The following TEX9 variants were observed in gnomAD, a reference collection of about 807,000 sequenced individuals.
TEX9 encodes the protein testis expressed 9.
A neutral mutation model predicts 59.6 loss-of-function variants in TEX9; 74 were observed. The ratio of observed to expected loss-of-function variants is 1.24; its 90% confidence interval spans 1.03 to 1.51. The LOEUF (loss-of-function observed/expected upper bound fraction) is 1.51, where lower values mean the gene tolerates loss of function less well. Ranked by LOEUF, TEX9 falls within the 40% of genes most tolerant of loss-of-function variation. The probability of loss-of-function intolerance (pLI) is 0.00; values close to 1 mark genes in which losing one functional copy is unlikely to be tolerated. For synonymous variants in TEX9, 186 were observed against 152.2 expected (o/e 1.22, Z -1.64); for missense variants, 522 against 447.8 (o/e 1.17, Z -1.49).
intron 12 of TEX9, among the ~76,000 whole-genome samples, chr15:56,433,427 A>G (rs751938137): frequency 6.6e-6 from 1 of 152,112 alleles, no homozygotes. Context: ...TAAAAATATT[A>G]AAAAAATAAT....
At chr15:56,424,290 A>C (rs2050139120) in intron 10 of TEX9, among the ~76,000 whole-genome samples, 1 of 152,064 alleles carries the variant, frequency 6.6e-6, no homozygotes, top group Admixed American at 6.6e-5. Flanking sequence ...ATTTTGTCAG[A>C]TATTACTGTA....
intron 1 of TEX9, among the ~76,000 whole-genome samples, chr15:56,324,389 TTTAATATACACC>T (rs2141719638): frequency 6.6e-6 from 1 of 152,310 alleles, no homozygotes; most frequent in South Asian, 2.1e-4. Context: ...TGTGTATAAT[TTTAATATACACC>T]TTAGGAAGGC....
chr15:56,393,646 A>C (rs1166352199), intron 7 of TEX9: 1 of 152,250 alleles, frequency 6.6e-6, no homozygotes, highest in Non-Finnish European at 1.5e-5. Flanking sequence ...TTTTGCTGGC[A>C]GTAAAGTACC....
chr15:56,433,577 T>C (rs1181351929), intron 12 of TEX9, among the ~76,000 whole-genome samples: 1 of 152,154 alleles, frequency 6.6e-6, no homozygotes, highest in African/African-American at 2.4e-5. Context: ...TTGCATGGGT[T>C]TCACCACTTG....
Position 56,426,593 on chromosome 15 carries a change from A to G in TEX9, c.964-1012A>G, listed in dbSNP as rs1383977308. Among the ~76,000 whole-genome samples, 10 of 16,936 alleles carry G rather than the reference A, an allele frequency of 5.9e-4. 1 individual carries two copies. Among genetic ancestry groups the G allele is most frequent in the African/African-American group, 8.8e-4 (2 of 2,270 alleles). 11.1% of individuals were successfully genotyped at this position (16,936 alleles called of 152,430 possible). ...TTTTTTTTTTTTTGAAAAGGTGTAT[A>G]TATATATATATATATATATATATAT... On this transcript the variant is annotated intron_variant, in intron 10 of 12. Transcript: ENST00000352903.
intron 4 of TEX9, among the ~76,000 whole-genome samples, chr15:56,385,809 A>G (rs1180321480): frequency 1.3e-5 from 2 of 152,102 alleles, no homozygotes; most frequent in Non-Finnish European, 2.9e-5. Flanking sequence ...TAAGAGGTGC[A>G]TAGCCCTACA....
chr15:56,249,636 G>A (rs1174562775), intron 1 of TEX9, among the ~76,000 whole-genome samples: 1 of 151,160 alleles, frequency 6.6e-6, no homozygotes, highest in East Asian at 2.0e-4. Flanking sequence ...TACTTGGGAG[G>A]CTGAGGCTAA....
chr15:56,344,208 C>T (rs1178306143), intron 1 of TEX9, among the ~76,000 whole-genome samples: 1 of 152,166 alleles, frequency 6.6e-6, no homozygotes, highest in East Asian at 1.9e-4. Context: ...CACTCTAAAG[C>T]TTGCACATGA....
At chr15:56,449,822 C>A (rs1339875417), downstream of TEX9, among the ~76,000 whole-genome samples, 5 of 152,142 alleles carry the variant, frequency 3.3e-5, no homozygotes, top group Non-Finnish European at 7.4e-5. Flanking sequence ...TTTACATTTT[C>A]AAATTTATTT....
At chr15:56,281,339 A>G (rs78340879) in intron 1 of TEX9, among the ~76,000 whole-genome samples, 6,692 of 152,326 alleles carry the variant, frequency 0.044, 224 homozygotes, top group Admixed American at 0.086. Context: ...GTCTGTTAGG[A>G]ACTGGGCTGC....
At chr15:56,365,518 G>A (rs1395584450) in intron 1 of TEX9, 41 bp downstream of exon 1, 2 of 1,614,186 alleles carry the variant, frequency 1.2e-6, no homozygotes, top group Non-Finnish European at 1.7e-6. Context: ...TCTGGGTTCC[G>A]GCGACTAGGA....
At chr15:56,349,602 C>G (rs2046537218) in intron 1 of TEX9, among the ~76,000 whole-genome samples, 1 of 152,116 alleles carries the variant, frequency 6.6e-6, no homozygotes, top group Admixed American at 6.6e-5. Flanking sequence ...CCCTGCTATT[C>G]CCTTCACCCA....
intron 3 of TEX9, among the ~76,000 whole-genome samples, chr15:56,382,473 C>T (rs1299092102): frequency 6.6e-6 from 1 of 152,126 alleles, no homozygotes; most frequent in African/African-American, 2.4e-5. Flanking sequence ...GCTGGATCAC[C>T]CCTGAAGTCA....
chr15:56,254,805 C>A, intron 1 of TEX9, among the ~76,000 whole-genome samples: 1 of 150,132 alleles, frequency 6.7e-6, no homozygotes, highest in South Asian at 2.1e-4. Flanking sequence ...TTATAAATAT[C>A]ACAAATATAA....
At chr15:56,414,647 T>C (rs1375112583) in intron 10 of TEX9, among the ~76,000 whole-genome samples, 2 of 151,876 alleles carry the variant, frequency 1.3e-5, no homozygotes, top group Non-Finnish European at 2.9e-5. Flanking sequence ...CTGTCATTGA[T>C]GGGCATTTAG....
chr15:56,288,890 C>T (rs1167878707), intron 1 of TEX9, among the ~76,000 whole-genome samples: 1 of 152,042 alleles, frequency 6.6e-6, no homozygotes, highest in African/African-American at 2.4e-5. Flanking sequence ...TTGATGCTAT[C>T]CCATAAATCC....
intron 12 of TEX9, among the ~76,000 whole-genome samples, chr15:56,438,879 C>T (rs1341110306): frequency 3.9e-5 from 6 of 152,092 alleles, no homozygotes; most frequent in Non-Finnish European, 8.8e-5. Context: ...AGCCAACAGA[C>T]AAGAACAGGA....
intron 9 of TEX9, among the ~76,000 whole-genome samples, chr15:56,402,062 A>G (rs2048815705): frequency 6.6e-6 from 1 of 152,232 alleles, no homozygotes; most frequent in Non-Finnish European, 1.5e-5. Flanking sequence ...TAACATCACA[A>G]TTAAAAGAAC....
intron 1 of TEX9, among the ~76,000 whole-genome samples, chr15:56,321,130 G>A (rs1215048438): frequency 6.6e-6 from 1 of 152,136 alleles, no homozygotes; most frequent in African/African-American, 2.4e-5. Flanking sequence ...TGTGATTCAT[G>A]GGTCAGAGTT....
Sources: allele counts gnomAD v4.1 joint callset (sites outside exome capture counted in the v4.1 genomes callset), GRCh38; gene constraint gnomAD v4.1.1; transcripts MANE v1.5; gene names NCBI Gene and HGNC (gene_info 2026-07-23, HGNC 2026-07-21).